Variants in EFR3A observed in about 807,000 individuals in gnomAD.
EFR3A encodes the protein protein EFR3 homolog A.
Under a neutral mutation model 104.4 loss-of-function variants are expected in EFR3A, and 76 were observed. The ratio of observed to expected loss-of-function variants is 0.73; its 90% CI spans 0.60 to 0.88. EFR3A has a LOEUF of 0.88. EFR3A is among the 40% of genes least tolerant of loss of function. The pLI, the probability that EFR3A is intolerant of heterozygous loss-of-function variation, is 0.00. For synonymous variants in EFR3A, 330 were observed against 330.0 expected, an observed-to-expected ratio of 1.00 and a Z score of 0.00; for missense variants, 985 against 1,012.5, an observed-to-expected ratio of 0.97 and a Z score of 0.37.
At chr8:132,008,510 T>G (rs1329842683) in intron 22 of EFR3A, among the ~76,000 whole-genome samples, 1 of 151,810 alleles carries the variant, frequency 6.6e-6, no homozygotes, top group Non-Finnish European at 1.5e-5. Flanking sequence ...ACACAATTTT[T>G]GGGGTAAATC....
At chr8:131,955,998 A>G (rs1818969417) in intron 7 of EFR3A, 93 bp downstream of exon 7, 8 of 1,410,138 alleles carry the variant, frequency 5.7e-6, no homozygotes, top group Non-Finnish European at 5.9e-6. Context: ...TTTTACTTGC[A>G]TGAGTGAGTT....
chr8:131,950,212 T>C, intron 5 of EFR3A, 122 bp downstream of exon 5: 2 of 1,050,984 alleles, frequency 1.9e-6, no homozygotes, highest in South Asian at 3.3e-5. Context: ...TTTCCATTGC[T>C]GTTAGAAGCT....
chr8:131,944,056 A>T (rs1818303323), intron 2 of EFR3A, among the ~76,000 whole-genome samples: 1 of 152,100 alleles, frequency 6.6e-6, no homozygotes, highest in South Asian at 2.1e-4. Context: ...TCACTGTCTA[A>T]CATAGTTTCC....
chr8:131,946,869 G>T (rs1818467316), intron 4 of EFR3A, among the ~76,000 whole-genome samples: 1 of 152,030 alleles, frequency 6.6e-6, no homozygotes, highest in African/African-American at 2.4e-5. Context: ...ATGCATACTT[G>T]TCATTTTTAT....
At chr8:131,965,685 A>G (rs1325329709) in intron 8 of EFR3A, among the ~76,000 whole-genome samples, 2 of 152,244 alleles carry the variant, frequency 1.3e-5, no homozygotes, top group Admixed American at 6.5e-5. Context: ...TAGAAATACC[A>G]TTTGACCCAG....
At position 131,970,560 on chromosome 8, in the gene EFR3A, G is replaced by T; in HGVS notation, c.1076G>T (p.Gly359Val). 1 of 1,613,820 alleles carries T rather than the reference G, an allele frequency of 6.2e-7. No individual in the cohort carries two copies. Among genetic ancestry groups the T allele is most frequent in the Non-Finnish European group, 8.5e-7 (1 of 1,179,780 alleles). Residue 359 changes from glycine to valine, a missense_variant, in exon 10 of 23, where the codon GGA becomes GTA. Physicochemically the swap from Gly to Val is moderately radical, Grantham distance 109. Transcript: ENST00000254624. Reference protein sequence around the residue: ...VEFEANDLQGGSVGSVNLNTS... With the variant: ...VEFEANDLQGVSVGSVNLNTS... ...TTCGAAGCAAATGATTTACAGGGGG[G>T]ATCTGTAGGCAGTGTCAACTTAAAT...
rs184549284 is a variant in EFR3A at position 131,980,239 on chromosome 8, C to T, written c.1575+818C>T. 6.6e-3 allele frequency among the ~76,000 whole-genome samples: 1,009 copies of T among 152,136 alleles called. 4 individuals carry two copies. Among genetic ancestry groups the T allele is most frequent in the Middle Eastern group, 0.014 (4 of 292 alleles). ...CTCTTTACTAGACCATGCTTTCTCC[C>T]TGACACTGTCTTTAATGTTTCTGTC... On this transcript the variant is annotated intron_variant, in intron 14 of 22. Transcript: ENST00000254624.
At position 131,908,814 on chromosome 8, in the gene EFR3A, C is replaced by T. The variant is rs1816376519; in HGVS notation, c.10+4492C>T. Among the ~76,000 whole-genome samples, 3 of 152,142 alleles carry T rather than the reference C, an allele frequency of 2.0e-5. No individual in the cohort carries two copies. The South Asian group carries it at 6.2e-4, about 32-fold the overall frequency. ...TTATATAATAGGTGCTTGGTAAATG[C>T]CAAATAAATTAAAAATTGAATCTTT... is the stretch of plus-strand genomic sequence containing the variant. On this transcript the variant is annotated intron_variant, in intron 1 of 22. Transcript: ENST00000254624.
chr8:131,999,603 G>A (rs1821686813), intron 19 of EFR3A, among the ~76,000 whole-genome samples: 1 of 151,946 alleles, frequency 6.6e-6, no homozygotes, highest in African/African-American at 2.4e-5. Context: ...ACAGATTATA[G>A]TTTAGTAGCT....
rs546599986 is a variant in EFR3A, at chr8:131,911,721, T to G, written c.10+7399T>G. ...TTTTATGCTTAGGTTCAACAAAGTA[T>G]GGACATTATATAGAAATATTGGCCA... On this transcript the variant is annotated intron_variant, in intron 1 of 22. Coordinates refer to ENST00000254624, the MANE Select transcript of EFR3A (RefSeq NM_015137.6). Among the ~76,000 whole-genome samples, 279 of 152,334 alleles carry G rather than the reference T, an allele frequency of 1.8e-3. 2 individuals carry two copies. The highest frequency in any genetic ancestry group is 6.5e-3 in the African/African-American group (271 of 41,576).
intron 2 of EFR3A, among the ~76,000 whole-genome samples, chr8:131,944,367 G>A (rs1009966350): frequency 2.2e-4 from 33 of 151,966 alleles, no homozygotes; most frequent in Non-Finnish European, 1.0e-4. Context: ...GTTGACTATC[G>A]TATAAGTAAA....
intron 1 of EFR3A, among the ~76,000 whole-genome samples, chr8:131,913,693 T>G (rs1816626901): frequency 6.6e-6 from 1 of 152,180 alleles, no homozygotes; most frequent in Admixed American, 6.5e-5. Context: ...GTTCTTCACA[T>G]CCCTGTTGTT....
At chr8:131,964,309 A>G (rs1438428192) in intron 8 of EFR3A, among the ~76,000 whole-genome samples, 1 of 152,174 alleles carries the variant, frequency 6.6e-6, no homozygotes, top group Non-Finnish European at 1.5e-5. Context: ...ACATGATTGT[A>G]TATCTAAAAA....
chr8:132,001,972 C>T (rs2130804449), intron 20 of EFR3A, among the ~76,000 whole-genome samples, 165 bp downstream of exon 20: 1 of 152,268 alleles, frequency 6.6e-6, no homozygotes, highest in South Asian at 2.1e-4. Context: ...TTTTAGGCTT[C>T]AGAATTGTCT....
chr8:131,914,196 A>G (rs1816648415), intron 1 of EFR3A, among the ~76,000 whole-genome samples: 1 of 152,178 alleles, frequency 6.6e-6, no homozygotes, highest in South Asian at 2.1e-4. Flanking sequence ...CTAAGTCCCT[A>G]TGGCTTCTCC....
At chr8:131,985,884 T>G (rs1329412272) in intron 16 of EFR3A, among the ~76,000 whole-genome samples, 1 of 152,212 alleles carries the variant, frequency 6.6e-6, no homozygotes, top group Non-Finnish European at 1.5e-5. Flanking sequence ...TCCAAAATAG[T>G]GCATTTGAGA....
At chr8:131,934,687 T>C (rs1186278881) in intron 1 of EFR3A, among the ~76,000 whole-genome samples, 3 of 152,052 alleles carry the variant, frequency 2.0e-5, no homozygotes, top group African/African-American at 7.2e-5. Context: ...TACGTGTGTG[T>C]GTGTGTATAT....
At chr8:131,947,377 G>C (rs896624031) in intron 4 of EFR3A, among the ~76,000 whole-genome samples, 2 of 151,776 alleles carry the variant, frequency 1.3e-5, no homozygotes, top group Non-Finnish European at 2.9e-5. Flanking sequence ...TTATTGTTGA[G>C]TTGTAAAAGT....
intron 14 of EFR3A, among the ~76,000 whole-genome samples, chr8:131,982,389 G>T (rs1463909094): frequency 1.3e-5 from 2 of 151,764 alleles, no homozygotes; most frequent in Non-Finnish European, 2.9e-5. Flanking sequence ...TTCTTTTGTT[G>T]TCAGACATTT....
Sources: allele counts gnomAD v4.1 joint callset (sites outside exome capture counted in the v4.1 genomes callset), GRCh38; gene constraint gnomAD v4.1.1; transcripts MANE v1.5; gene names NCBI Gene and HGNC (gene_info 2026-07-23, HGNC 2026-07-21).